GSK3B: variants seen among roughly 807,000 people sequenced by gnomAD.
GSK3B encodes the protein glycogen synthase kinase-3 beta.
GSK3B carries 15 observed loss-of-function variants against 56.4 expected under a neutral mutation model. The observed-to-expected ratio is 0.27, with a 90% CI of 0.18 to 0.41. The LOEUF (loss-of-function observed/expected upper bound fraction) is 0.41, where lower values mean the gene tolerates loss of function less well. Ranked by LOEUF, GSK3B falls within the 10% of genes least tolerant of loss-of-function variation. The pLI, the probability that GSK3B is intolerant of heterozygous loss-of-function variation, is 1.00. For missense variants in GSK3B, 300 were observed against 513.4 expected (o/e 0.58, Z 4.02); for synonymous variants, 181 against 188.9 (o/e 0.96, Z 0.34).
intron 1 of GSK3B, among the ~76,000 whole-genome samples, chr3:120,070,584 TATCAAATCTCACTC>T (rs1393574590): frequency 3.3e-5 from 5 of 151,440 alleles, no homozygotes; most frequent in African/African-American, 1.2e-4. Flanking sequence ...CTAAAGATGG[TATCAAATCTCACTC>T]AAAAAGCACT....
intron 2 of GSK3B, among the ~76,000 whole-genome samples, chr3:119,997,931 T>C (rs562495022): frequency 6.6e-6 from 1 of 152,174 alleles, no homozygotes; most frequent in Non-Finnish European, 1.5e-5. Flanking sequence ...TTACACTACA[T>C]CCCAAAATAT....
chr3:119,914,317 C>CA (rs1383753763), intron 5 of GSK3B, among the ~76,000 whole-genome samples: 1 of 151,802 alleles, frequency 6.6e-6, no homozygotes, highest in Non-Finnish European at 1.5e-5. Context: ...TTGTTAAAAA[C>CA]AAAAAAATCA....
intron 7 of GSK3B, among the ~76,000 whole-genome samples, chr3:119,897,396 T>C (rs2056579756): frequency 1.3e-5 from 2 of 152,090 alleles, no homozygotes; most frequent in South Asian, 4.1e-4. Flanking sequence ...TCCGTTTTTC[T>C]TATTTTAAAA....
At chr3:119,828,236 C>G (rs145814315) in intron 10 of GSK3B, among the ~76,000 whole-genome samples, 94 of 152,310 alleles carry the variant, frequency 6.2e-4, no homozygotes, top group Middle Eastern at 3.4e-3. Context: ...TCTCCTCCCC[C>G]CTTTTAAGGT....
At position 120,001,939 on chromosome 3, in the gene GSK3B, C is replaced by T. The variant is rs1322718235; in HGVS notation, c.282+107G>A. 2.4e-5 allele frequency: 16 copies of T among 665,240 alleles called. 1 individual carries two copies. Among genetic ancestry groups the T allele is most frequent in the Admixed American group, 2.0e-4 (6 of 30,138 alleles). 41.2% of individuals were successfully genotyped at this position (665,240 alleles called of 1,614,324 possible). A position where few individuals can be genotyped will look rare whatever the true frequency, so the allele number is the denominator to read the frequency against. ...ACAATGGTTGAGCTGAACAAAAATG[C>T]GCACAATAGAAGAAATTTGAAGCAA... On this transcript the variant is annotated intron_variant, in intron 2 of 10. Transcript: ENST00000264235.
chr3:119,869,165 A>G (rs2056219951), intron 8 of GSK3B, among the ~76,000 whole-genome samples: 1 of 129,814 alleles, frequency 7.7e-6, no homozygotes, highest in African/African-American at 2.8e-5. Context: ...TGGAGGCTGC[A>G]GTGAGCCGAG....
chr3:119,952,487 C>CAAAAAAAAAAA (rs59526500), intron 2 of GSK3B, among the ~76,000 whole-genome samples: 2 of 96,244 alleles, frequency 2.1e-5, no homozygotes, highest in African/African-American at 8.1e-5. Flanking sequence ...GACTCTGTCT[C>CAAAAAAAAAAA]AAAAAAAAAA....
At chr3:119,934,942 G>A (rs2056980146) in intron 3 of GSK3B, among the ~76,000 whole-genome samples, 1 of 152,016 alleles carries the variant, frequency 6.6e-6, no homozygotes, top group African/African-American at 2.4e-5. Context: ...TAGTATGCAT[G>A]TAATAACATT....
chr3:119,826,035 G>A lies in GSK3B; in HGVS notation c.*753C>T, dbSNP rs1262755799. 1 of 221,212 alleles carries A rather than the reference G, an allele frequency of 4.5e-6. No individual in the cohort carries two copies. Among genetic ancestry groups the A allele is most frequent in the Non-Finnish European group, 9.0e-6 (1 of 110,848 alleles). 13.7% of individuals were successfully genotyped at this position (221,212 alleles called of 1,614,324 possible). A position where few individuals can be genotyped will look rare whatever the true frequency, so the allele number is the denominator to read the frequency against. ...TGGTCAGGCAAACAAAGAGCCACCT[G>A]TAGAGCATGTGTGCCTGAGTCTTGC... On this transcript the variant is annotated 3_prime_UTR_variant, in exon 11 of 11. Coordinates refer to ENST00000264235, the MANE Select transcript of GSK3B (RefSeq NM_001146156.2).
intron 2 of GSK3B, among the ~76,000 whole-genome samples, chr3:119,952,899 C>T (rs1397490916): frequency 6.6e-6 from 1 of 151,590 alleles, no homozygotes; most frequent in Non-Finnish European, 1.5e-5. Flanking sequence ...CTGGAATTCA[C>T]AAAAACAAGT....
chr3:119,934,041 G>A (rs977350069), intron 3 of GSK3B, among the ~76,000 whole-genome samples: 2 of 152,140 alleles, frequency 1.3e-5, no homozygotes, highest in Non-Finnish European at 2.9e-5. Context: ...TTAATACATG[G>A]GGGAAAAGAG....
intron 8 of GSK3B, among the ~76,000 whole-genome samples, chr3:119,871,221 G>C (rs1310173480): frequency 3.3e-5 from 5 of 152,174 alleles, no homozygotes; most frequent in African/African-American, 1.2e-4. Context: ...GAAATGACCT[G>C]AGAATTCAAT....
intron 7 of GSK3B, among the ~76,000 whole-genome samples, chr3:119,902,370 A>T (rs2056633506): frequency 6.6e-6 from 1 of 152,004 alleles, no homozygotes; most frequent in African/African-American, 2.4e-5. Flanking sequence ...GCAAGCAGGA[A>T]GGAAGGAGAA....
chr3:120,091,615 T>G (rs1313661323), intron 1 of GSK3B, among the ~76,000 whole-genome samples: 1 of 152,176 alleles, frequency 6.6e-6, no homozygotes, highest in African/African-American at 2.4e-5. Flanking sequence ...ATTACCAAGA[T>G]GTAAAACATA....
intron 2 of GSK3B, among the ~76,000 whole-genome samples, chr3:119,984,521 G>C (rs1019674560): frequency 1.1e-4 from 16 of 151,962 alleles, no homozygotes; most frequent in Non-Finnish European, 5.9e-5. Flanking sequence ...AATAAAAAAT[G>C]ATAAAGGGGA....
At chr3:120,039,295 A>G (rs2058047361) in intron 1 of GSK3B, among the ~76,000 whole-genome samples, 1 of 152,236 alleles carries the variant, frequency 6.6e-6, no homozygotes, top group South Asian at 2.1e-4. Flanking sequence ...AGTTTCCTGC[A>G]AAGCTAAATG....
intron 1 of GSK3B, among the ~76,000 whole-genome samples, chr3:120,014,890 G>GA (rs1363591743): frequency 2.0e-5 from 3 of 152,136 alleles, no homozygotes; most frequent in Admixed American, 1.3e-4. Flanking sequence ...AGAGATGACA[G>GA]AAAGACTCCA....
intron 3 of GSK3B, among the ~76,000 whole-genome samples, chr3:119,946,156 G>C (rs141468328): frequency 6.6e-6 from 1 of 150,748 alleles, no homozygotes; most frequent in Admixed American, 6.6e-5. Context: ...TTGTTAAAAC[G>C]TATTGTGTAA....
chr3:119,993,363 G>T (rs994275070), intron 2 of GSK3B, among the ~76,000 whole-genome samples: 8 of 151,908 alleles, frequency 5.3e-5, no homozygotes, highest in South Asian at 2.1e-4. Context: ...AAAAAGAAAG[G>T]GGGTGAAGTT....
Sources: gnomAD v4.1 joint callset for allele counts (sites outside exome capture counted in the v4.1 genomes callset) on GRCh38, gnomAD v4.1.1 for gene constraint, MANE v1.5 for transcripts, NCBI Gene and HGNC (gene_info 2026-07-23, HGNC 2026-07-21) for gene names.